Variants in THRB observed in about 807,000 individuals in gnomAD.
THRB encodes thyroid hormone receptor beta.
In THRB, 12 loss-of-function variants were observed where a neutral mutation model predicts 47.8. The observed-to-expected ratio is 0.25, with a 90% CI of 0.16 to 0.41. THRB has a LOEUF of 0.41. Ranked by LOEUF, THRB falls within the 10% of genes least tolerant of loss-of-function variation. The pLI, the probability that THRB is intolerant of heterozygous loss-of-function variation, is 1.00. For synonymous variants in THRB, 218 were observed against 212.2 expected (o/e 1.03, Z -0.24); for missense variants, 348 against 589.2 (o/e 0.59, Z 4.24).
At chr3:24,280,025 A>G (rs1379775427) in intron 3 of THRB, among the ~76,000 whole-genome samples, 2 of 152,192 alleles carry the variant, frequency 1.3e-5, no homozygotes, top group East Asian at 3.9e-4. Flanking sequence ...GCGCACAAAA[A>G]TGGTTACAAA....
chr3:24,249,492 A>G lies in THRB; in HGVS notation c.-42-20491T>C, dbSNP rs180686803. 3.9e-5 allele frequency among the ~76,000 whole-genome samples: 6 copies of G among 152,282 alleles called. No homozygotes were observed. In the East Asian group the frequency reaches 1.2e-3, roughly 29 times the overall value. ...GATATAACCTTGCCACATCACAAGA[A>G]AACTTGTTCCTTCTACTTTGGGACT... On this transcript the variant is annotated intron_variant, in intron 3 of 10. Transcript: ENST00000646209.
intron 1 of THRB, among the ~76,000 whole-genome samples, chr3:24,391,847 T>C (rs893068927): frequency 6.6e-6 from 1 of 152,164 alleles, no homozygotes; most frequent in Non-Finnish European, 1.5e-5. Flanking sequence ...GAATTCTACA[T>C]GTACTAACTG....
chr3:24,364,620 C>T (rs2064321229), intron 1 of THRB, among the ~76,000 whole-genome samples: 1 of 152,038 alleles, frequency 6.6e-6, no homozygotes, highest in Non-Finnish European at 1.5e-5. Flanking sequence ...AATTCCAAAG[C>T]CCAAAATCTT....
intron 4 of THRB, among the ~76,000 whole-genome samples, chr3:24,226,815 A>G (rs1480907186): frequency 6.6e-6 from 1 of 152,256 alleles, no homozygotes; most frequent in Non-Finnish European, 1.5e-5. Context: ...AATTTGTAGT[A>G]AACCACAGCC....
At position 24,474,342 on chromosome 3, in the gene THRB, G is replaced by A. The variant is rs115689263; in HGVS notation, c.-261+20310C>T. 8.3e-4 allele frequency among the ~76,000 whole-genome samples: 126 copies of A among 152,240 alleles called. 1 individual carries two copies. The highest frequency in any genetic ancestry group is 2.8e-3 in the African/African-American group (115 of 41,524). On this transcript the variant is annotated intron_variant, in intron 1 of 10. Transcript: ENST00000646209. Reference sequence around the variant, plus strand: ...ATCCTCAAAATTTAGTCTTCCTTTGGTATGGGCACAGGGTAAGAAAATGCA... The same window carrying A: ...ATCCTCAAAATTTAGTCTTCCTTTGATATGGGCACAGGGTAAGAAAATGCA...
At chr3:24,185,705 A>G (rs1487542962) in intron 5 of THRB, among the ~76,000 whole-genome samples, 1 of 152,136 alleles carries the variant, frequency 6.6e-6, no homozygotes, top group Non-Finnish European at 1.5e-5. Context: ...TTGACATAAA[A>G]GTGTAAAGGC....
At chr3:24,160,304 A>G (rs967965320) in intron 5 of THRB, among the ~76,000 whole-genome samples, 3 of 152,176 alleles carry the variant, frequency 2.0e-5, no homozygotes, top group Non-Finnish European at 4.4e-5. Flanking sequence ...AGTTGGTGGA[A>G]TTTGTGGTAA....
At chr3:24,286,645 C>A (rs1219893396) in intron 3 of THRB, among the ~76,000 whole-genome samples, 1 of 152,170 alleles carries the variant, frequency 6.6e-6, no homozygotes, top group Non-Finnish European at 1.5e-5. Flanking sequence ...AAGCTCGACG[C>A]ATTTCACTAG....
At chr3:24,409,453 A>G (rs755434712) in intron 1 of THRB, among the ~76,000 whole-genome samples, 9 of 151,854 alleles carry the variant, frequency 5.9e-5, no homozygotes, top group Non-Finnish European at 1.3e-4. Context: ...CTCTGGATTC[A>G]TACAGAACTA....
intron 1 of THRB, among the ~76,000 whole-genome samples, chr3:24,422,851 A>T (rs1438580673): frequency 6.6e-6 from 1 of 151,876 alleles, no homozygotes; most frequent in African/African-American, 2.4e-5. Context: ...CCTCTTGAAA[A>T]GAGGGGTCTA....
At chr3:24,182,715 G>A (rs2042060735) in intron 5 of THRB, among the ~76,000 whole-genome samples, 1 of 152,092 alleles carries the variant, frequency 6.6e-6, no homozygotes, top group South Asian at 2.1e-4. Context: ...TTTTACAGAC[G>A]AGAAAACTGA....
chr3:24,320,712 A>C (rs1331999138), intron 2 of THRB, among the ~76,000 whole-genome samples: 1 of 152,118 alleles, frequency 6.6e-6, no homozygotes, highest in African/African-American at 2.4e-5. Context: ...AACATTTGAC[A>C]AAAAAAGGGG....
intron 1 of THRB, among the ~76,000 whole-genome samples, chr3:24,420,755 G>A (rs1366646256): frequency 6.6e-6 from 1 of 151,880 alleles, no homozygotes; most frequent in Non-Finnish European, 1.5e-5. Context: ...CGGTGGGAAT[G>A]TAAATTACTA....
At chr3:24,297,987 G>A (rs183541891) in intron 2 of THRB, among the ~76,000 whole-genome samples, 2 of 152,142 alleles carry the variant, frequency 1.3e-5, no homozygotes, top group Non-Finnish European at 2.9e-5. Flanking sequence ...CATCTCTGGG[G>A]GGCAGATTTT....
intron 5 of THRB, among the ~76,000 whole-genome samples, chr3:24,172,584 C>T (rs2040575251): frequency 6.6e-6 from 1 of 152,028 alleles, no homozygotes; most frequent in African/African-American, 2.4e-5. Flanking sequence ...GATCACCAAG[C>T]AGAATATGCT....
At chr3:24,447,944 A>T (rs1250044822) in intron 1 of THRB, among the ~76,000 whole-genome samples, 1 of 152,088 alleles carries the variant, frequency 6.6e-6, no homozygotes, top group Non-Finnish European at 1.5e-5. Context: ...AGTCATCACG[A>T]CCACTTCATT....
chr3:24,145,601 G>T (rs2035980384), intron 7 of THRB, among the ~76,000 whole-genome samples: 1 of 152,170 alleles, frequency 6.6e-6, no homozygotes, highest in South Asian at 2.1e-4. Flanking sequence ...TCAGCCAGAG[G>T]TGGGGATTAA....
rs1224904030 is a variant in THRB at position 24,487,713 on chromosome 3, T to G, written c.-261+6939A>C. 2.0e-5 allele frequency among the ~76,000 whole-genome samples: 3 copies of G among 152,272 alleles called. No individual in the cohort carries two copies. The East Asian group carries it at 5.8e-4, about 29-fold the overall frequency. On this transcript the variant is annotated intron_variant, in intron 1 of 10. Coordinates refer to ENST00000646209, the MANE Select transcript of THRB (RefSeq NM_001354712.2). The stretch of plus-strand genomic sequence containing the variant: ...CACAGCAGAAGCCAGAGACAAGCAG[T>G]GCCTTTTCCACTGTATGTGAGAACA...
At chr3:24,186,075 A>G (rs998890788) in intron 5 of THRB, among the ~76,000 whole-genome samples, 1 of 152,170 alleles carries the variant, frequency 6.6e-6, no homozygotes, top group Non-Finnish European at 1.5e-5. Context: ...AAAAATGCAC[A>G]TTTCCTAAGT....
Sources: allele counts gnomAD v4.1 joint callset (sites outside exome capture counted in the v4.1 genomes callset), GRCh38; gene constraint gnomAD v4.1.1; transcripts MANE v1.5; gene names NCBI Gene and HGNC (gene_info 2026-07-23, HGNC 2026-07-21).